Variants in FER observed in about 807,000 individuals in gnomAD.
FER encodes the protein FER tyrosine kinase, also known as tyrosine-protein kinase Fer.
A neutral mutation model predicts 111.0 loss-of-function variants in FER; 63 were observed. The ratio of observed to expected loss-of-function variants is 0.57; its 90% CI spans 0.46 to 0.70. FER has a LOEUF of 0.70. FER is among the 30% of genes least tolerant of loss of function. The probability of loss-of-function intolerance (pLI) is 0.00; values close to 1 mark genes in which losing one functional copy is unlikely to be tolerated. For missense variants in FER, 914 were observed against 954.0 expected, an observed-to-expected ratio of 0.96 and a Z score of 0.55; for synonymous variants, 327 against 313.9, an observed-to-expected ratio of 1.04 and a Z score of -0.44.
chr5:108,869,350 A>T (rs910055604), intron 6 of FER, among the ~76,000 whole-genome samples: 2 of 152,134 alleles, frequency 1.3e-5, no homozygotes, highest in Admixed American at 6.6e-5. Flanking sequence ...GAGTCTTCTG[A>T]CTAACCCTGC....
chr5:108,793,609 C>A (rs1755656324), intron 2 of FER, among the ~76,000 whole-genome samples: 1 of 151,108 alleles, frequency 6.6e-6, no homozygotes, highest in Non-Finnish European at 1.5e-5. Flanking sequence ...AAACTGTTCT[C>A]CATAGTGGTT....
intron 9 of FER, among the ~76,000 whole-genome samples, chr5:108,897,072 A>G (rs993488941): frequency 3.3e-5 from 5 of 152,322 alleles, no homozygotes; most frequent in African/African-American, 1.2e-4. Context: ...GGGATGGGAA[A>G]GTATACTGTA....
At chr5:108,782,263 A>G (rs577574279) in intron 2 of FER, among the ~76,000 whole-genome samples, 21 of 150,692 alleles carry the variant, frequency 1.4e-4, no homozygotes, top group Admixed American at 2.0e-4. Context: ...TCTTGTTGGT[A>G]GGATGGCCTA....
chr5:109,047,759 A>G (rs1772199306), intron 16 of FER, among the ~76,000 whole-genome samples: 6 of 152,122 alleles, frequency 3.9e-5, no homozygotes, highest in Admixed American at 3.3e-4. Context: ...ATGGTTATAT[A>G]TAATAATCTC....
At chr5:108,843,398 A>G (rs1165955076) in intron 5 of FER, among the ~76,000 whole-genome samples, 2 of 152,180 alleles carry the variant, frequency 1.3e-5, no homozygotes, top group African/African-American at 4.8e-5. Flanking sequence ...TTATATTTAT[A>G]TATGAGTACA....
chr5:108,884,553 C>G (rs747921649), intron 9 of FER, among the ~76,000 whole-genome samples: 1 of 146,080 alleles, frequency 6.8e-6, no homozygotes, highest in Non-Finnish European at 1.5e-5. Context: ...ATTTTCTCGT[C>G]TCTACTTTCT....
At chr5:108,916,697 A>G (rs991679280) in intron 10 of FER, among the ~76,000 whole-genome samples, 6 of 152,142 alleles carry the variant, frequency 3.9e-5, no homozygotes, top group Non-Finnish European at 7.4e-5. Flanking sequence ...GCTATTTATT[A>G]GGCCCCAGTG....
At chr5:109,166,988 C>G (rs562022005) in intron 17 of FER, among the ~76,000 whole-genome samples, 1 of 152,088 alleles carries the variant, frequency 6.6e-6, no homozygotes, top group Non-Finnish European at 1.5e-5. Context: ...CAAAATGTTA[C>G]GGCTTCATTT....
chr5:109,094,972 G>A (rs924106940), intron 16 of FER, among the ~76,000 whole-genome samples: 7 of 152,080 alleles, frequency 4.6e-5, no homozygotes, highest in African/African-American at 1.7e-4. Flanking sequence ...GAGTATAGCT[G>A]TTGTTTCTTG....
At chr5:109,031,060 C>T (rs1053789518) in intron 13 of FER, among the ~76,000 whole-genome samples, 3 of 152,024 alleles carry the variant, frequency 2.0e-5, no homozygotes, top group African/African-American at 7.2e-5. Flanking sequence ...GGAGTCTTCC[C>T]TTAGCTGCTT....
chr5:109,182,584 C>T lies in FER; in HGVS notation c.2203+1683C>T, dbSNP rs72798579. On this transcript the variant is annotated intron_variant, in intron 18 of 19. Coordinates refer to ENST00000281092, the MANE Select transcript of FER (RefSeq NM_005246.4). Reference sequence around the variant, plus strand: ...TTAGATGACAAAACATTTTCAAGCACTAAGGAAGCTGTAACTGGGCTTGGG... The same window carrying T: ...TTAGATGACAAAACATTTTCAAGCATTAAGGAAGCTGTAACTGGGCTTGGG... Among the ~76,000 whole-genome samples, 411 of 152,226 alleles carry T rather than the reference C, an allele frequency of 2.7e-3. 1 individual carries two copies. Among genetic ancestry groups the T allele is most frequent in the Admixed American group, 5.4e-3 (82 of 15,282 alleles).
intron 16 of FER, chr5:109,052,514 ACTC>A: frequency 1.3e-6 from 1 of 775,332 alleles, no homozygotes; most frequent in South Asian, 1.6e-5. Context: ...AGGTGATTGA[ACTC>A]CTTGGAGGAT....
intron 16 of FER, 114 bp from the exon 17 acceptor site, chr5:109,100,282 G>A: frequency 7.8e-7 from 1 of 1,282,386 alleles, no homozygotes; most frequent in South Asian, 1.3e-5. Context: ...CAAAAAGCAT[G>A]GCCAAATGTG....
intron 17 of FER, among the ~76,000 whole-genome samples, chr5:109,114,675 A>G (rs1237753209): frequency 1.3e-5 from 2 of 152,120 alleles, no homozygotes; most frequent in African/African-American, 2.4e-5. Flanking sequence ...CTTCGTTTCA[A>G]TAAAATTTTA....
At chr5:109,084,246 CTGAA>C (rs1777307541) in intron 16 of FER, among the ~76,000 whole-genome samples, 1 of 151,986 alleles carries the variant, frequency 6.6e-6, no homozygotes, top group Non-Finnish European at 1.5e-5. Flanking sequence ...GTGAATGATA[CTGAA>C]CTCTCTTTAC....
At chr5:109,045,426 G>T (rs531695567) in intron 15 of FER, among the ~76,000 whole-genome samples, 1 of 151,862 alleles carries the variant, frequency 6.6e-6, no homozygotes, top group South Asian at 2.1e-4. Context: ...GTATACAGCA[G>T]TTTTCAAAGA....
chr5:109,035,255 T>C (rs1770212143), intron 13 of FER, among the ~76,000 whole-genome samples: 1 of 151,898 alleles, frequency 6.6e-6, no homozygotes, highest in South Asian at 2.1e-4. Flanking sequence ...AGTTGAACAT[T>C]TTTATAACCC....
intron 10 of FER, among the ~76,000 whole-genome samples, chr5:108,937,392 C>T (rs1231568529): frequency 1.3e-5 from 2 of 151,938 alleles, no homozygotes; most frequent in Admixed American, 1.3e-4. Flanking sequence ...ATAGAAGTCA[C>T]ACGGATGTTT....
intron 13 of FER, among the ~76,000 whole-genome samples, chr5:109,017,978 T>C (rs1204891116): frequency 6.6e-6 from 1 of 151,896 alleles, no homozygotes; most frequent in African/African-American, 2.4e-5. Context: ...TAGATTCTCT[T>C]TTTAAAAACC....
Sources: allele counts gnomAD v4.1 joint callset (sites outside exome capture counted in the v4.1 genomes callset), GRCh38; gene constraint gnomAD v4.1.1; transcripts MANE v1.5; gene names NCBI Gene and HGNC (gene_info 2026-07-23, HGNC 2026-07-21).